Variants in RAB10 observed in about 807,000 individuals in gnomAD.
The protein encoded by RAB10 is ras-related protein Rab-10.
Under a neutral mutation model 25.7 loss-of-function variants are expected in RAB10, and 5 were observed. The observed-to-expected ratio is 0.19, with a 90% CI of 0.10 to 0.41. RAB10 has a LOEUF of 0.41. RAB10 is among the 10% of genes least tolerant of loss of function. The probability of loss-of-function intolerance (pLI) is 1.00; values close to 1 mark genes in which losing one functional copy is unlikely to be tolerated. For synonymous variants in RAB10, 89 were observed against 86.4 expected, an observed-to-expected ratio of 1.03 and a Z score of -0.16; for missense variants, 103 against 245.8, an observed-to-expected ratio of 0.42 and a Z score of 3.89.
In RAB10 at chr2:26,100,105, G is replaced by C. The variant is rs76565039; in HGVS notation, c.188+1383G>C. ...GGCTTACTGATGATCTGTTGCCCAGGGCTAAAAATAGCCACAGCTGCTTGT... is the reference window on the plus strand; with the variant it reads ...GGCTTACTGATGATCTGTTGCCCAGCGCTAAAAATAGCCACAGCTGCTTGT... On this transcript the variant is annotated intron_variant, in intron 2 of 5. Transcript: ENST00000264710. Among the ~76,000 whole-genome samples, 688 of 152,144 alleles carry C rather than the reference G, an allele frequency of 4.5e-3. 31 individuals carry two copies. The East Asian group carries it at 0.11, about 25-fold the overall frequency.
chr2:26,079,185 T>G (rs913379858), intron 1 of RAB10, among the ~76,000 whole-genome samples: 1 of 152,090 alleles, frequency 6.6e-6, no homozygotes, highest in African/African-American at 2.4e-5. Flanking sequence ...AGACTCCATC[T>G]CAAAAAATTT....
At position 26,035,358 on chromosome 2, in the gene RAB10, G is replaced by A. The variant is rs192668320; in HGVS notation, c.127+623G>A. Among the ~76,000 whole-genome samples the A allele has an allele frequency of 6.7e-4, 102 of 152,350 alleles. 1 individual carries two copies. Among genetic ancestry groups the A allele is most frequent in the African/African-American group, 2.4e-3 (99 of 41,586 alleles). On this transcript the variant is annotated intron_variant, in intron 1 of 5. Transcript: ENST00000264710. ...TCAACAGAAGCAGTAATCTGAGGGA[G>A]ATGATCAGTTTCTGTCCTCAAACCC...
At chr2:26,087,621 C>G (rs1163178587) in intron 1 of RAB10, among the ~76,000 whole-genome samples, 1 of 152,190 alleles carries the variant, frequency 6.6e-6, no homozygotes, top group Non-Finnish European at 1.5e-5. Context: ...AGGTTGGTCT[C>G]AAACTCCTGA....
chr2:26,121,914 C>T (rs1429471334), intron 3 of RAB10, among the ~76,000 whole-genome samples: 1 of 151,598 alleles, frequency 6.6e-6, no homozygotes, highest in East Asian at 1.9e-4. Flanking sequence ...TGGATCATCT[C>T]CCCGTGAACA....
chr2:26,048,483 C>T (rs1666062775), intron 1 of RAB10, among the ~76,000 whole-genome samples: 1 of 152,076 alleles, frequency 6.6e-6, no homozygotes, highest in Non-Finnish European at 1.5e-5. Context: ...TTGAAAAGTC[C>T]TTTTATGTGC....
chr2:26,136,447 G>T lies in RAB10; in HGVS notation c.*1426G>T, dbSNP rs1668115791. On this transcript the variant is annotated 3_prime_UTR_variant, in exon 6 of 6. Coordinates refer to ENST00000264710, the MANE Select transcript of RAB10 (RefSeq NM_016131.5). ...TTTTGGAAAACTTGTATTACCATGG[G>T]TTTGGAAAAAGGACAACGAAAGGCT... is the stretch of plus-strand genomic sequence containing the variant. The T allele has an allele frequency of 6.6e-6, 1 of 152,536 alleles. No individual in the cohort carries two copies. The highest frequency in any genetic ancestry group is 1.5e-5 in the Non-Finnish European group (1 of 68,032). The allele number at this position is 152,536 out of a possible 1,614,324, so 9.4% of individuals were successfully genotyped here. A position where few individuals can be genotyped will look rare whatever the true frequency, so the allele number is the denominator to read the frequency against.
intron 1 of RAB10, among the ~76,000 whole-genome samples, chr2:26,068,361 A>G (rs950186240): frequency 1.1e-4 from 16 of 152,210 alleles, no homozygotes; most frequent in Admixed American, 7.2e-4. Context: ...GGGATGTGAC[A>G]TGGTTAGATT....
At chr2:26,123,278 A>G (rs1247028603) in intron 3 of RAB10, among the ~76,000 whole-genome samples, 4 of 152,164 alleles carry the variant, frequency 2.6e-5, no homozygotes, top group African/African-American at 7.2e-5. Context: ...GAAAACATTG[A>G]AGTGGTCTAC....
At chr2:26,107,806 A>G (rs553534389) in intron 2 of RAB10, among the ~76,000 whole-genome samples, 1 of 151,764 alleles carries the variant, frequency 6.6e-6, no homozygotes, top group Non-Finnish European at 1.5e-5. Context: ...CAAAAAAAAA[A>G]CCCCAAAAAC....
intron 1 of RAB10, among the ~76,000 whole-genome samples, chr2:26,057,407 C>A (rs573342128): frequency 2.0e-5 from 3 of 150,526 alleles, no homozygotes; most frequent in Non-Finnish European, 4.4e-5. Context: ...CCATTGCATT[C>A]CAGCCTGGGC....
At chr2:26,085,998 C>CA (rs71399354) in intron 1 of RAB10, among the ~76,000 whole-genome samples, 14 of 54,604 alleles carry the variant, frequency 2.6e-4, no homozygotes, top group South Asian at 1.6e-3. Context: ...AAACTGTCTC[C>CA]AAAAAAAAAA....
intron 1 of RAB10, among the ~76,000 whole-genome samples, chr2:26,057,406 T>C (rs1340173591): frequency 6.6e-6 from 1 of 150,496 alleles, no homozygotes; most frequent in Non-Finnish European, 1.5e-5. Flanking sequence ...GCCATTGCAT[T>C]CCAGCCTGGG....
chr2:26,117,949 A>G (rs1553729907), intron 3 of RAB10, among the ~76,000 whole-genome samples: 1 of 152,164 alleles, frequency 6.6e-6, no homozygotes, highest in Non-Finnish European at 1.5e-5. Context: ...CAAGTCTCAG[A>G]TTATTTCTCT....
At chr2:26,128,809 AT>A in intron 5 of RAB10, among the ~76,000 whole-genome samples, 1 of 146,198 alleles carries the variant, frequency 6.8e-6, no homozygotes. Context: ...TGGGTTTAAG[AT>A]TTGTGACTCT....
At chr2:26,111,498 G>A (rs1667571258) in intron 3 of RAB10, among the ~76,000 whole-genome samples, 1 of 151,908 alleles carries the variant, frequency 6.6e-6, no homozygotes, top group South Asian at 2.1e-4. Context: ...CAGCTACTTG[G>A]GAGGCTGAGG....
intron 3 of RAB10, among the ~76,000 whole-genome samples, chr2:26,119,379 A>T (rs1667757177): frequency 6.6e-6 from 1 of 152,132 alleles, no homozygotes; most frequent in African/African-American, 2.4e-5. Flanking sequence ...AGTGCATTCC[A>T]GCCTGGGTGA....
intron 1 of RAB10, among the ~76,000 whole-genome samples, chr2:26,037,490 T>C (rs879935424): frequency 6.6e-6 from 1 of 152,120 alleles, no homozygotes; most frequent in Non-Finnish European, 1.5e-5. Flanking sequence ...AATACAAAAA[T>C]TATCTGGGCG....
intron 1 of RAB10, among the ~76,000 whole-genome samples, chr2:26,080,077 A>G (rs1666835240): frequency 1.3e-5 from 2 of 152,218 alleles, no homozygotes; most frequent in South Asian, 4.1e-4. Context: ...GAAAACAAAG[A>G]AGTGCTCAGA....
intron 1 of RAB10, among the ~76,000 whole-genome samples, chr2:26,047,654 T>G (rs547225782): frequency 6.6e-6 from 1 of 151,502 alleles, no homozygotes; most frequent in Non-Finnish European, 1.5e-5. Context: ...TGACCTCAGG[T>G]GATCTGCCTT....
Sources: allele counts gnomAD v4.1 joint callset (sites outside exome capture counted in the v4.1 genomes callset), GRCh38; gene constraint gnomAD v4.1.1; transcripts MANE v1.5; gene names NCBI Gene and HGNC (gene_info 2026-07-23, HGNC 2026-07-21).